The following NAALADL2 variants were observed in gnomAD, a reference collection of about 807,000 sequenced individuals.
NAALADL2 encodes inactive N-acetylated-alpha-linked acidic dipeptidase-like protein 2.
A neutral mutation model predicts 87.2 loss-of-function variants in NAALADL2; 76 were observed. The observed-to-expected ratio is 0.87, with a 90% confidence interval of 0.72 to 1.05. The LOEUF (loss-of-function observed/expected upper bound fraction) is 1.05. Among genes scored for constraint, NAALADL2 ranks in the 50% least tolerant of loss-of-function variants. NAALADL2 has a pLI of 0.00. For missense variants in NAALADL2, 1,089 were observed against 945.8 expected (o/e 1.15, Z -1.99); for synonymous variants, 354 against 331.0 (o/e 1.07, Z -0.75).
chr3:174,655,813 C>G (rs932832740), intron 2 of NAALADL2, among the ~76,000 whole-genome samples: 6 of 152,042 alleles, frequency 3.9e-5, no homozygotes, highest in Non-Finnish European at 8.8e-5. Context: ...AATTACCTTA[C>G]TTTATCAGTT....
intron 11 of NAALADL2, among the ~76,000 whole-genome samples, chr3:175,665,032 G>A (rs760846922): frequency 6.6e-6 from 1 of 152,032 alleles, no homozygotes; most frequent in African/African-American, 2.4e-5. Context: ...ACATCTCATC[G>A]ATATATATTG....
intron 2 of NAALADL2, among the ~76,000 whole-genome samples, chr3:174,710,979 A>G (rs1042110031): frequency 5.9e-5 from 9 of 152,268 alleles, no homozygotes; most frequent in Non-Finnish European, 1.2e-4. Flanking sequence ...TTATGCAGCA[A>G]TGGAAATCCA....
chr3:175,210,831 A>C (rs1330074018), intron 2 of NAALADL2, among the ~76,000 whole-genome samples: 1 of 151,804 alleles, frequency 6.6e-6, no homozygotes, highest in African/African-American at 2.4e-5. Flanking sequence ...AAATTTCAAA[A>C]TTTAAAATAT....
intron 2 of NAALADL2, among the ~76,000 whole-genome samples, chr3:175,163,329 ACT>A (rs1308470125): frequency 9.2e-5 from 14 of 151,940 alleles, no homozygotes. Context: ...AAACATCCAT[ACT>A]CTTTTTAAAT....
At chr3:175,746,425 C>T (rs774231039) in intron 12 of NAALADL2, among the ~76,000 whole-genome samples, 3 of 151,440 alleles carry the variant, frequency 2.0e-5, no homozygotes, top group South Asian at 2.1e-4. Context: ...AGTTAAGCAC[C>T]GTACAGTTTG....
Position 175,603,934 on chromosome 3 carries a change from C to CA in NAALADL2, c.1801-23357_1801-23356insA, listed in dbSNP as rs371736885. On this transcript the variant is annotated intron_variant, in intron 10 of 13. Coordinates refer to ENST00000454872, the MANE Select transcript of NAALADL2 (RefSeq NM_207015.3). ...ACCTGAGCCCAGGAGGTTGAGGCTG[C>CA]GAGAACTATGATTGCACCACTGCCC... Among the ~76,000 whole-genome samples the CA allele has an allele frequency of 3.0e-3, 459 of 152,122 alleles. 1 individual carries two copies. Among genetic ancestry groups the CA allele is most frequent in the African/African-American group, 0.01 (435 of 41,482 alleles).
At position 175,803,187 on chromosome 3, in the gene NAALADL2, T is replaced by C. The variant is rs760810050; in HGVS notation, c.2372T>C (p.Leu791Ser). 6.2e-7 allele frequency: 1 copy of C among 1,603,018 alleles called. No individual in the cohort carries two copies. The highest frequency in any genetic ancestry group is 1.1e-5 in the South Asian group (1 of 89,960). The change falls in exon 14 of 14, where the codon TTG becomes TCG. Residue 791 changes from leucine to serine, a missense_variant. Transcript: ENST00000454872. ...KAGLDVFKSV[L>S]DGKN ...GGACTTGATGTGTTCAAGAGTGTCTTGGATGGGAAGAATTGAGAAAACTCT... is the reference window on the plus strand; with the variant it reads ...GGACTTGATGTGTTCAAGAGTGTCTCGGATGGGAAGAATTGAGAAAACTCT...
At chr3:174,806,909 A>G (rs575198395) in intron 3 of NAALADL2, among the ~76,000 whole-genome samples, 8 of 152,274 alleles carry the variant, frequency 5.3e-5, no homozygotes, top group African/African-American at 1.4e-4. Context: ...CCTTATAGCC[A>G]TCTAGTAAAC....
At chr3:175,148,034 C>A (rs901623921) in intron 2 of NAALADL2, among the ~76,000 whole-genome samples, 6 of 150,426 alleles carry the variant, frequency 4.0e-5, no homozygotes, top group African/African-American at 7.3e-5. Flanking sequence ...TGGGCCATTG[C>A]ACTCCAGCCT....
chr3:174,505,175 C>T (rs1291838334), intron 1 of NAALADL2, among the ~76,000 whole-genome samples: 6 of 152,070 alleles, frequency 3.9e-5, no homozygotes, highest in Non-Finnish European at 8.8e-5. Flanking sequence ...GGGAAAATCC[C>T]ATTGTAAAAA....
chr3:174,915,363 A>C lies in NAALADL2; in HGVS notation c.43+55913A>C, dbSNP rs560713157. On this transcript the variant is annotated intron_variant, in intron 1 of 13. Coordinates refer to ENST00000454872, the MANE Select transcript of NAALADL2 (RefSeq NM_207015.3). ...TAGGCTTTGTAATTAGACATACTGA[A>C]GTTGCTGTCTCCTCCCTGTCAATGA... 4.6e-5 allele frequency among the ~76,000 whole-genome samples: 7 copies of C among 152,230 alleles called. No homozygotes were observed. In the East Asian group the frequency reaches 9.7e-4, roughly 21 times the overall value.
At chr3:174,974,487 T>C (rs1034213262) in intron 1 of NAALADL2, among the ~76,000 whole-genome samples, 3 of 152,212 alleles carry the variant, frequency 2.0e-5, no homozygotes, top group African/African-American at 4.8e-5. Flanking sequence ...GACATGTTAA[T>C]ACTTTTCATG....
At chr3:174,999,269 T>A (rs534018816) in intron 1 of NAALADL2, among the ~76,000 whole-genome samples, 1 of 152,272 alleles carries the variant, frequency 6.6e-6, no homozygotes, top group African/African-American at 2.4e-5. Flanking sequence ...TTAAGTTTAC[T>A]TTTTTAACAT....
At chr3:174,868,385 G>T (rs1727405647) in intron 1 of NAALADL2, among the ~76,000 whole-genome samples, 3 of 152,184 alleles carry the variant, frequency 2.0e-5, no homozygotes, top group African/African-American at 7.2e-5. Flanking sequence ...CCCTTACTGG[G>T]TAATTGTGAA....
intron 2 of NAALADL2, among the ~76,000 whole-genome samples, chr3:174,560,780 G>T (rs1193095734): frequency 2.6e-5 from 4 of 151,956 alleles, no homozygotes; most frequent in Non-Finnish European, 5.9e-5. Context: ...AAGGTTATCT[G>T]GTAAATTGTG....
intron 1 of NAALADL2, among the ~76,000 whole-genome samples, chr3:175,005,484 T>C (rs1476311716): frequency 6.6e-6 from 1 of 152,194 alleles, no homozygotes; most frequent in African/African-American, 2.4e-5. Flanking sequence ...TTTGTCTGGC[T>C]CCCTGATGTG....
intron 2 of NAALADL2, among the ~76,000 whole-genome samples, chr3:174,677,772 A>T (rs535364806): frequency 5.3e-5 from 8 of 152,002 alleles, no homozygotes; most frequent in Admixed American, 5.3e-4. Flanking sequence ...CTTATCTAAC[A>T]TGCATTTTCT....
chr3:174,607,768 G>A (rs1195255703), intron 2 of NAALADL2, among the ~76,000 whole-genome samples: 2 of 152,082 alleles, frequency 1.3e-5, no homozygotes, highest in African/African-American at 4.8e-5. Context: ...GAGACAGAAA[G>A]TTAACAAGGA....
intron 1 of NAALADL2, among the ~76,000 whole-genome samples, chr3:174,442,607 A>G (rs1228430612): frequency 3.9e-5 from 6 of 152,234 alleles, no homozygotes; most frequent in African/African-American, 1.4e-4. Context: ...AATACTTATT[A>G]GTCAACAATT....
Sources: gnomAD v4.1 joint callset for allele counts (sites outside exome capture counted in the v4.1 genomes callset) on GRCh38, gnomAD v4.1.1 for gene constraint, MANE v1.5 for transcripts, NCBI Gene and HGNC (gene_info 2026-07-23, HGNC 2026-07-21) for gene names.